Variants in TNFSF4 observed in about 807,000 individuals in gnomAD.
TNFSF4 encodes the protein tumor necrosis factor ligand superfamily member 4.
In TNFSF4, 4 loss-of-function variants were observed where a neutral mutation model predicts 7.3. The ratio of observed to expected loss-of-function variants is 0.55; its 90% CI spans 0.27 to 1.25. The LOEUF is 1.25. Among genes scored for constraint, TNFSF4 ranks in the 50% most tolerant of loss-of-function variants. The pLI, the probability that TNFSF4 is intolerant of heterozygous loss-of-function variation, is 0.12. For synonymous variants in TNFSF4, 76 were observed against 83.7 expected (o/e 0.91, Z 0.50); for missense variants, 181 against 208.8 (o/e 0.87, Z 0.82).
At chr1:173,424,178 G>C in the TNFSF4 span, among the ~76,000 whole-genome samples, 1 of 152,164 alleles carries the variant, frequency 6.6e-6, no homozygotes. Flanking sequence ...GAACTTGGGG[G>C]AACACATTCA....
chr1:173,387,164 A>G, the TNFSF4 span, among the ~76,000 whole-genome samples: 26 of 152,226 alleles, frequency 1.7e-4, no homozygotes, highest in Admixed American at 1.6e-3. Context: ...TGAGAAGGGC[A>G]TGAATTTTGG....
the TNFSF4 span, among the ~76,000 whole-genome samples, chr1:173,237,081 T>A: frequency 6.6e-6 from 1 of 152,050 alleles, no homozygotes; most frequent in African/African-American, 2.4e-5. Context: ...TAAACGGGAG[T>A]TGTCTTGCAC....
At chr1:173,178,303 C>T in the TNFSF4 span, among the ~76,000 whole-genome samples, 7 of 152,146 alleles carry the variant, frequency 4.6e-5, no homozygotes, top group East Asian at 9.6e-4. Flanking sequence ...AGGTCAGGCG[C>T]GGTGGCTCAC....
chr1:173,349,039 A>T, the TNFSF4 span, among the ~76,000 whole-genome samples: 2,803 of 151,586 alleles, frequency 0.018, 96 homozygotes, highest in African/African-American at 0.064. Context: ...TATTATTATT[A>T]TTTTTTTTAG....
chr1:173,372,118 TACA>T, the TNFSF4 span, among the ~76,000 whole-genome samples: 5 of 152,204 alleles, frequency 3.3e-5, no homozygotes, highest in Non-Finnish European at 5.9e-5. Flanking sequence ...CAGCTCTGCC[TACA>T]ACAAGTCAAA....
At chr1:173,265,190 T>G in the TNFSF4 span, among the ~76,000 whole-genome samples, 1 of 152,228 alleles carries the variant, frequency 6.6e-6, no homozygotes, top group Admixed American at 6.5e-5. Context: ...GTGAATTTAT[T>G]TTATAAAGGA....
chr1:173,358,222 G>T, the TNFSF4 span, among the ~76,000 whole-genome samples: 2 of 152,146 alleles, frequency 1.3e-5, no homozygotes, highest in Non-Finnish European at 2.9e-5. Flanking sequence ...AAAACACAAG[G>T]AAATAGATTC....
the TNFSF4 span, among the ~76,000 whole-genome samples, chr1:173,319,615 G>A: frequency 5.3e-5 from 8 of 152,276 alleles, no homozygotes; most frequent in African/African-American, 1.9e-4. Context: ...AGTTCCATCT[G>A]GAATCAAGCT....
At chr1:173,401,654 C>G in the TNFSF4 span, among the ~76,000 whole-genome samples, 1 of 152,294 alleles carries the variant, frequency 6.6e-6, no homozygotes, top group South Asian at 2.1e-4. Flanking sequence ...AACTACACCA[C>G]TGGCTTTCCT....
the TNFSF4 span, among the ~76,000 whole-genome samples, chr1:173,218,638 T>G: frequency 6.6e-6 from 1 of 152,150 alleles, no homozygotes; most frequent in Admixed American, 6.5e-5. Flanking sequence ...AACCCTTACA[T>G]TACATCGAAG....
At chr1:173,341,274 GACAA>G in the TNFSF4 span, among the ~76,000 whole-genome samples, 3 of 152,084 alleles carry the variant, frequency 2.0e-5, no homozygotes, top group Admixed American at 6.6e-5. Flanking sequence ...ATCTGCTTGG[GACAA>G]ACAGAGCCCA....
At chr1:173,382,568 A>G in the TNFSF4 span, among the ~76,000 whole-genome samples, 1 of 152,230 alleles carries the variant, frequency 6.6e-6, no homozygotes, top group Non-Finnish European at 1.5e-5. Context: ...AACTTAAAGT[A>G]TAATTTTTTA....
At chr1:173,413,461 C>G in the TNFSF4 span, among the ~76,000 whole-genome samples, 1 of 152,224 alleles carries the variant, frequency 6.6e-6, no homozygotes, top group Non-Finnish European at 1.5e-5. Flanking sequence ...TTGCCTCCCA[C>G]TCTCAGTGCT....
chr1:173,225,644 G>T, the TNFSF4 span, among the ~76,000 whole-genome samples: 1 of 152,166 alleles, frequency 6.6e-6, no homozygotes, highest in African/African-American at 2.4e-5. Context: ...GACTATCTCA[G>T]CAAATGCTAG....
the TNFSF4 span, among the ~76,000 whole-genome samples, chr1:173,256,723 T>C: frequency 6.6e-6 from 1 of 152,182 alleles, no homozygotes; most frequent in Non-Finnish European, 1.5e-5. Context: ...CTACTCTATC[T>C]TAGAAACATG....
the TNFSF4 span, among the ~76,000 whole-genome samples, chr1:173,430,403 C>T: frequency 6.6e-6 from 1 of 152,152 alleles, no homozygotes; most frequent in Non-Finnish European, 1.5e-5. Context: ...ATCGATATTA[C>T]GAACCTGTTG....
the TNFSF4 span, among the ~76,000 whole-genome samples, chr1:173,321,219 G>A: frequency 6.6e-6 from 1 of 152,150 alleles, no homozygotes; most frequent in African/African-American, 2.4e-5. Context: ...TCAGAAACAA[G>A]CAATGGGAAA....
chr1:173,274,462 C>T, the TNFSF4 span, among the ~76,000 whole-genome samples: 1 of 151,998 alleles, frequency 6.6e-6, no homozygotes, highest in Non-Finnish European at 1.5e-5. Flanking sequence ...AAAGATATTG[C>T]CAGATTACTT....
chr1:173,267,647 A>G, the TNFSF4 span, among the ~76,000 whole-genome samples: 1 of 152,176 alleles, frequency 6.6e-6, no homozygotes, highest in African/African-American at 2.4e-5. Context: ...TTCTGGCTCA[A>G]AGTCTCCTGG....
Sources: gnomAD v4.1 joint callset for allele counts (sites outside exome capture counted in the v4.1 genomes callset) on GRCh38, gnomAD v4.1.1 for gene constraint, MANE v1.5 for transcripts, NCBI Gene and HGNC (gene_info 2026-07-23, HGNC 2026-07-21) for gene names.